EAF1: variants seen among roughly 807,000 people sequenced by gnomAD.
EAF1 encodes ELL associated factor 1.
Under a neutral mutation model 26.6 loss-of-function variants are expected in EAF1, and 19 were observed. The ratio of observed to expected loss-of-function variants is 0.71; its 90% CI spans 0.50 to 1.05. EAF1 has a LOEUF of 1.05. EAF1 is among the 50% of genes least tolerant of loss of function. The pLI, the probability that EAF1 is intolerant of heterozygous loss-of-function variation, is 0.00. For missense variants in EAF1, 260 were observed against 335.5 expected (o/e 0.78, Z 1.76); for synonymous variants, 102 against 120.6 (o/e 0.85, Z 1.01).
At position 15,440,156 on chromosome 3, in the gene EAF1, G is replaced by C. The variant is rs970383370; in HGVS notation, c.*1001G>C. 3.9e-5 allele frequency: 6 copies of C among 152,224 alleles called. No individual in the cohort carries two copies. Among genetic ancestry groups the C allele is most frequent in the South Asian group, 2.1e-4 (1 of 4,830 alleles). The allele number at this position is 152,224 out of a possible 1,614,324, so 9.4% of individuals were successfully genotyped here. A position where few individuals can be genotyped will look rare whatever the true frequency, so the allele number is the denominator to read the frequency against. On this transcript the variant is annotated 3_prime_UTR_variant, in exon 6 of 6. Transcript: ENST00000396842. ...ACCTCTCCGAACAAATGAACCAGCAGTAAGTTTCTAAAAATCAGAATCTAG... is the reference window on the plus strand; with the variant it reads ...ACCTCTCCGAACAAATGAACCAGCACTAAGTTTCTAAAAATCAGAATCTAG...
In EAF1 at chr3:15,439,239, G is replaced by T; in HGVS notation, c.*84G>T. 1 of 1,384,958 alleles carries T rather than the reference G, an allele frequency of 7.2e-7. No homozygotes were observed. The highest frequency in any genetic ancestry group is 1.3e-5 in the South Asian group (1 of 79,396). The allele number at this position is 1,384,958 out of a possible 1,614,324, so 85.8% of individuals were successfully genotyped here. On this transcript the variant is annotated 3_prime_UTR_variant, in exon 6 of 6. Coordinates refer to ENST00000396842, the MANE Select transcript of EAF1 (RefSeq NM_033083.7). ...TTTGGCGTGGAGTCCATTGCAAGAG[G>T]AAAATGTTATGGATCAGTGACTGTA... is the stretch of plus-strand genomic sequence containing the variant.
chr3:15,433,860 T>C (rs2125066025), intron 3 of EAF1, among the ~76,000 whole-genome samples: 1 of 152,290 alleles, frequency 6.6e-6, no homozygotes, highest in East Asian at 1.9e-4. Flanking sequence ...GCATTGCAGA[T>C]CAAGTAGGGG....
chr3:15,433,599 C>G (rs1188121991), intron 3 of EAF1, among the ~76,000 whole-genome samples: 10 of 152,208 alleles, frequency 6.6e-5, no homozygotes, highest in Non-Finnish European at 1.5e-4. Context: ...ATATTCTCAG[C>G]TTGGGATGGA....
chr3:15,434,375 C>T lies in EAF1; in HGVS notation c.363C>T (p.Ala121=). The change falls in exon 4 of 6, where the codon GCC becomes GCT. Residue 121 remains alanine, a synonymous_variant. Transcript: ENST00000396842. ...CTGAGGGCAGCAGTAAAATCCAGGC[C>T]CGAATGGAACAGCAGCCCACTCGTC... The part of the protein sequence containing the change: ...TRAEGSSKIQ[A]RMEQQPTRPP... The T allele has an allele frequency of 6.2e-7, 1 of 1,614,078 alleles. No homozygotes were observed.
At chr3:15,434,651 C>G (rs1054526893) in intron 4 of EAF1, 113 bp downstream of exon 4, 5 of 1,273,164 alleles carry the variant, frequency 3.9e-6, no homozygotes, top group Non-Finnish European at 5.4e-6. Flanking sequence ...TCAATGCCAT[C>G]AAAAAAATGT....
chr3:15,436,316 GATCCATGTC>G lies in EAF1; in HGVS notation c.527-23_527-15del, dbSNP rs1354311215. The G allele has an allele frequency of 6.4e-7, 1 of 1,565,480 alleles. No individual in the cohort carries two copies. Among genetic ancestry groups the G allele is most frequent in the South Asian group, 1.1e-5 (1 of 87,172 alleles). ...CTGCCTTGAAAAGGGCTGCTGTGCT[GATCCATGTC>G]ATATCCTTTATTCCAGAGCTGAGGG... On this transcript the variant is annotated splice_polypyrimidine_tract_variant and intron_variant, in intron 4 of 5. Transcript: ENST00000396842.
intron 5 of EAF1, chr3:15,438,519 T>C (rs1003978753): frequency 6.6e-6 from 1 of 151,704 alleles, no homozygotes; most frequent in Non-Finnish European, 1.5e-5. Flanking sequence ...TCTTTTTTTT[T>C]TTTTTTCTTT....
At chr3:15,433,505 A>C (rs754386662) in intron 3 of EAF1, among the ~76,000 whole-genome samples, 1 of 152,262 alleles carries the variant, frequency 6.6e-6, no homozygotes, top group Non-Finnish European at 1.5e-5. Flanking sequence ...GAATCTGCAG[A>C]GATCACCAGG....
At position 15,441,949 on chromosome 3, in the gene EAF1, G is replaced by A. The variant is rs954718763; in HGVS notation, c.*2794G>A. On this transcript the variant is annotated 3_prime_UTR_variant, in exon 6 of 6. Transcript: ENST00000396842. ...CTGTACAATGTCTACTGTACTGTGGGTCATTTAGATGAGATGAAAAACTTA... is the reference window on the plus strand; with the variant it reads ...CTGTACAATGTCTACTGTACTGTGGATCATTTAGATGAGATGAAAAACTTA... 3 of 152,590 alleles carry A rather than the reference G, an allele frequency of 2.0e-5. No individual in the cohort carries two copies. Among genetic ancestry groups the A allele is most frequent in the Non-Finnish European group, 2.9e-5 (2 of 68,038 alleles). The allele number at this position is 152,590 out of a possible 1,614,324, so 9.5% of individuals were successfully genotyped here.
intron 5 of EAF1, chr3:15,438,753 G>C (rs895573509): frequency 5.9e-6 from 1 of 168,470 alleles, no homozygotes; most frequent in Non-Finnish European, 1.3e-5. Flanking sequence ...TCCAACTGCT[G>C]GCCTCAAATG....
At chr3:15,429,031 A>T (rs76774033) in intron 1 of EAF1, among the ~76,000 whole-genome samples, 10,837 of 152,266 alleles carry the variant, frequency 0.071, 498 homozygotes, top group African/African-American at 0.12. Context: ...GGCAATGTGG[A>T]ATTTAAATCA....
chr3:15,434,243 A>G (rs1238918271), intron 3 of EAF1, 105 bp from the exon 4 acceptor site: 1 of 1,325,486 alleles, frequency 7.5e-7, no homozygotes, highest in Non-Finnish European at 1.0e-6. Flanking sequence ...AGTGGTCTGG[A>G]AAGAACATGG....
intron 5 of EAF1, chr3:15,438,615 C>G (rs1335998277): frequency 6.6e-6 from 1 of 151,762 alleles, no homozygotes; most frequent in East Asian, 1.9e-4. Context: ...ACCTCCACCT[C>G]TTGGGTTCAA....
At chr3:15,433,319 C>G (rs1293565945) in intron 3 of EAF1, 1 of 152,276 alleles carries the variant, frequency 6.6e-6, no homozygotes, top group Admixed American at 6.6e-5. Flanking sequence ...AGAGTCCTTG[C>G]TCCTGTCCTG....
rs1412107212 is a variant in EAF1 at position 15,439,909 on chromosome 3, C to T, written c.*754C>T. On this transcript the variant is annotated 3_prime_UTR_variant, in exon 6 of 6. Transcript: ENST00000396842. ...TGGGACTTTTAGATGTACATTGGCA[C>T]TTGGATTAGATTCCAAAAGACAAAA... 6.6e-6 allele frequency: 1 copy of T among 152,224 alleles called. No individual in the cohort carries two copies. The highest frequency in any genetic ancestry group is 1.5e-5 in the Non-Finnish European group (1 of 68,044). The allele number at this position is 152,224 out of a possible 1,614,324, so 9.4% of individuals were successfully genotyped here. A position where few individuals can be genotyped will look rare whatever the true frequency, so the allele number is the denominator to read the frequency against.
In EAF1 at chr3:15,436,556, C is replaced by G. The variant is rs1282378694; in HGVS notation, c.741C>G (p.Asn247Lys). The change falls in exon 5 of 6, where the codon AAC (asparagine) becomes AAG (lysine). Residue 247 changes from asparagine to lysine, a missense_variant. Asn to Lys is a moderately conservative substitution (Grantham distance 94). Transcript: ENST00000396842. ...GAACCAGCCGGCCACAAGGAAGCAA[C>G]CAGCTCATGAACACCCTCAGTAAGT... ...ANGTSRPQGS[N>K]QLMNTLRNDL... is the part of the protein sequence containing the mutation. 2 of 1,589,006 alleles carry G rather than the reference C, an allele frequency of 1.3e-6. No individual in the cohort carries two copies. Among genetic ancestry groups the G allele is most frequent in the South Asian group, 2.2e-5 (2 of 90,344 alleles).
chr3:15,427,669 C>A lies in EAF1; in HGVS notation c.-111C>A. 8.5e-7 allele frequency: 1 copy of A among 1,182,014 alleles called. No homozygotes were observed. Among genetic ancestry groups the A allele is most frequent in the South Asian group, 1.4e-5 (1 of 73,998 alleles). 73.2% of individuals were successfully genotyped at this position (1,182,014 alleles called of 1,614,324 possible). On this transcript the variant is annotated 5_prime_UTR_variant, in exon 1 of 6. Transcript: ENST00000396842. ...TGGGTGCCGGCTCGGCTCTCCTTGTCTTCCAGAGCGGTGGCCCGGAAGCAC... is the reference window on the plus strand; with the variant it reads ...TGGGTGCCGGCTCGGCTCTCCTTGTATTCCAGAGCGGTGGCCCGGAAGCAC...
At chr3:15,429,705 G>C (rs11923400) in intron 1 of EAF1, among the ~76,000 whole-genome samples, 9,379 of 152,176 alleles carry the variant, frequency 0.062, 773 homozygotes, top group African/African-American at 0.19. Context: ...AATTGAAACT[G>C]GATAATGGTA....
At chr3:15,434,987 A>G (rs2061826181) in intron 4 of EAF1, among the ~76,000 whole-genome samples, 1 of 152,192 alleles carries the variant, frequency 6.6e-6, no homozygotes, top group African/African-American at 2.4e-5. Flanking sequence ...GTGAGGCAGG[A>G]GGATCGCTTG....
Sources: gnomAD v4.1 joint callset for allele counts (sites outside exome capture counted in the v4.1 genomes callset) on GRCh38, gnomAD v4.1.1 for gene constraint, MANE v1.5 for transcripts, NCBI Gene and HGNC (gene_info 2026-07-23, HGNC 2026-07-21) for gene names.